The following NRXN1 variants were observed in gnomAD, a reference collection of about 807,000 sequenced individuals.
The protein encoded by NRXN1 is neurexin 1.
A neutral mutation model predicts 150.9 loss-of-function variants in NRXN1; 39 were observed. The observed-to-expected ratio is 0.26, with a 90% CI of 0.20 to 0.34. NRXN1 has a LOEUF of 0.34. NRXN1 is among the 10% of genes least tolerant of loss of function. NRXN1 has a pLI of 1.00. For missense variants in NRXN1, 1,815 were observed against 1,949.9 expected (o/e 0.93, Z 1.30); for synonymous variants, 924 against 757.0 (o/e 1.22, Z -3.62).
chr2:50,021,882 G>A (rs983962936), intron 21 of NRXN1, among the ~76,000 whole-genome samples: 1 of 152,024 alleles, frequency 6.6e-6, no homozygotes, highest in Non-Finnish European at 1.5e-5. Context: ...ATGGAGTCTC[G>A]TTCTGTAACC....
chr2:50,769,184 C>T (rs1702716125), intron 5 of NRXN1, among the ~76,000 whole-genome samples: 1 of 151,992 alleles, frequency 6.6e-6, no homozygotes, highest in South Asian at 2.1e-4. Context: ...TCCTCCCTAC[C>T]ACTCAGATAT....
chr2:50,817,312 T>C (rs993976851), intron 5 of NRXN1, among the ~76,000 whole-genome samples: 4 of 152,032 alleles, frequency 2.6e-5, no homozygotes, highest in Admixed American at 6.6e-5. Flanking sequence ...GAATCATGAA[T>C]ATAAAATCTG....
At chr2:50,551,011 G>GGAGGAAGAGGAAGAGGAA (rs1172928653) in intron 9 of NRXN1, among the ~76,000 whole-genome samples, 181 of 119,206 alleles carry the variant, frequency 1.5e-3, no homozygotes, top group Non-Finnish European at 2.6e-3. Context: ...AAGAAGAGGA[G>GGAGGAAGAGGAAGAGGAA]GAGGAAGAGG....
At chr2:50,834,722 A>G (rs1363703362) in intron 5 of NRXN1, among the ~76,000 whole-genome samples, 1 of 152,158 alleles carries the variant, frequency 6.6e-6, no homozygotes, top group Admixed American at 6.5e-5. Flanking sequence ...AATCTTTACT[A>G]TATTACATAT....
At chr2:50,372,735 C>A (rs577066524) in intron 17 of NRXN1, among the ~76,000 whole-genome samples, 1 of 152,132 alleles carries the variant, frequency 6.6e-6, no homozygotes. Flanking sequence ...AGTGATGTAG[C>A]AACAATTATG....
chr2:49,998,673 TA>T (rs1233727188), intron 21 of NRXN1, among the ~76,000 whole-genome samples: 11 of 152,280 alleles, frequency 7.2e-5, no homozygotes, highest in Non-Finnish European at 1.5e-4. Context: ...TTAACCTTTT[TA>T]AAAAAAATAA....
intron 18 of NRXN1, among the ~76,000 whole-genome samples, chr2:50,151,144 T>A (rs539166850): frequency 2.0e-5 from 3 of 151,670 alleles, no homozygotes; most frequent in African/African-American, 7.3e-5. Context: ...GAAAACCAGA[T>A]TGATTTCTGA....
At position 50,981,624 on chromosome 2, in the gene NRXN1, C is replaced by A. The variant is rs1696831300; in HGVS notation, c.772+45878G>T. Among the ~76,000 whole-genome samples the A allele has an allele frequency of 2.6e-5, 4 of 151,456 alleles. No homozygotes were observed. The South Asian group carries it at 8.3e-4, about 32-fold the overall frequency. ...ATCTATTAATGATGAGCTGTTTATTCAAAAGTTTTTAACCAAAAGAACAGT... is the reference window on the plus strand; with the variant it reads ...ATCTATTAATGATGAGCTGTTTATTAAAAAGTTTTTAACCAAAAGAACAGT... On this transcript the variant is annotated intron_variant, in intron 2 of 22. Transcript: ENST00000401669.
At chr2:50,667,520 A>T (rs1442759095) in intron 5 of NRXN1, among the ~76,000 whole-genome samples, 1 of 151,972 alleles carries the variant, frequency 6.6e-6, no homozygotes, top group African/African-American at 2.4e-5. Flanking sequence ...CTATGTTGTT[A>T]ATTTATAATG....
chr2:50,306,995 T>C (rs2074679939), intron 17 of NRXN1, among the ~76,000 whole-genome samples: 1 of 152,042 alleles, frequency 6.6e-6, no homozygotes, highest in South Asian at 2.1e-4. Flanking sequence ...TTTGTTTTGT[T>C]TTTTTCTGAG....
intron 21 of NRXN1, among the ~76,000 whole-genome samples, chr2:50,024,790 T>A (rs1688047311): frequency 6.6e-6 from 1 of 151,896 alleles, no homozygotes; most frequent in South Asian, 2.1e-4. Flanking sequence ...ACTTCTTGAA[T>A]TTTTTTTAGT....
At chr2:49,963,430 A>G (rs1182011077) in intron 21 of NRXN1, among the ~76,000 whole-genome samples, 1 of 152,226 alleles carries the variant, frequency 6.6e-6, no homozygotes, top group Non-Finnish European at 1.5e-5. Context: ...AGCAGAAGGA[A>G]GGAGAAAAGC....
At chr2:49,947,904 T>G (rs1160840879) in intron 21 of NRXN1, among the ~76,000 whole-genome samples, 1 of 152,034 alleles carries the variant, frequency 6.6e-6, no homozygotes, top group Non-Finnish European at 1.5e-5. Context: ...AATATTATTA[T>G]CAACTTTTTT....
At chr2:50,336,813 G>A (rs1465500144) in intron 17 of NRXN1, among the ~76,000 whole-genome samples, 2 of 152,236 alleles carry the variant, frequency 1.3e-5, no homozygotes, top group Admixed American at 6.5e-5. Context: ...ATGAGGAAGC[G>A]AAGCACAAGG....
intron 18 of NRXN1, among the ~76,000 whole-genome samples, chr2:50,223,835 T>C (rs116024752): frequency 0.031 from 4,666 of 151,988 alleles, 117 homozygotes; most frequent in Middle Eastern, 0.068. Flanking sequence ...GCTTTATGCA[T>C]TACCTTTAGA....
intron 18 of NRXN1, among the ~76,000 whole-genome samples, chr2:50,222,515 G>A (rs1391302091): frequency 1.3e-5 from 2 of 151,766 alleles, no homozygotes; most frequent in Non-Finnish European, 2.9e-5. Flanking sequence ...ACATTGGTTC[G>A]GCTTGTATGA....
chr2:50,205,632 T>C (rs1395155367), intron 18 of NRXN1, among the ~76,000 whole-genome samples: 1 of 152,092 alleles, frequency 6.6e-6, no homozygotes, highest in Non-Finnish European at 1.5e-5. Context: ...CTAAGCACTT[T>C]CCACACAAAA....
intron 17 of NRXN1, among the ~76,000 whole-genome samples, chr2:50,254,826 T>C (rs545331553): frequency 2.6e-5 from 4 of 152,230 alleles, no homozygotes; most frequent in Non-Finnish European, 4.4e-5. Flanking sequence ...GTAGACACTG[T>C]CATGCTCTGC....
At chr2:50,546,674 T>C (rs927163529) in intron 9 of NRXN1, among the ~76,000 whole-genome samples, 1 of 152,260 alleles carries the variant, frequency 6.6e-6, no homozygotes, top group East Asian at 1.9e-4. Flanking sequence ...TTCTTCAGAA[T>C]AAATAAATAT....
Sources: allele counts gnomAD v4.1 joint callset (sites outside exome capture counted in the v4.1 genomes callset), GRCh38; gene constraint gnomAD v4.1.1; transcripts MANE v1.5; gene names NCBI Gene and HGNC (gene_info 2026-07-23, HGNC 2026-07-21).